The following TBC1D23 variants were observed in gnomAD, a reference collection of about 807,000 sequenced individuals.
TBC1D23 encodes TBC1 domain family member 23, also known as HCV non-structural protein 4A-transactivated protein 1.
In TBC1D23, 55 loss-of-function variants were observed where a neutral mutation model predicts 91.4. That is an observed-to-expected ratio of 0.60 (90% CI 0.48 to 0.75). The LOEUF is 0.75. Ranked by LOEUF, TBC1D23 falls within the 30% of genes least tolerant of loss-of-function variation. The pLI, the probability that TBC1D23 is intolerant of heterozygous loss-of-function variation, is 0.00. For missense variants in TBC1D23, 725 were observed against 836.1 expected, an observed-to-expected ratio of 0.87 and a Z score of 1.64; for synonymous variants, 289 against 281.0, an observed-to-expected ratio of 1.03 and a Z score of -0.28.
chr3:100,309,610 CTTTT>C (rs71132518), intron 13 of TBC1D23, among the ~76,000 whole-genome samples: 8 of 116,122 alleles, frequency 6.9e-5, no homozygotes, highest in African/African-American at 9.5e-5. Context: ...ATTCTACCTT[CTTTT>C]TTTTTTTTTT....
intron 10 of TBC1D23, 198 bp from the exon 11 acceptor site, chr3:100,301,869 T>A: frequency 2.1e-6 from 1 of 475,966 alleles, no homozygotes; most frequent in East Asian, 3.7e-5. Flanking sequence ...AATGTTCAAC[T>A]TTTGTTCTAT....
rs151179686 is a variant in TBC1D23, at chr3:100,304,483, T to G, written c.1264-363T>G. On this transcript the variant is annotated intron_variant, in intron 11 of 18. Transcript: ENST00000394144. Reference sequence around the variant, plus strand: ...CTGTAATGTTTCTTTTTATATTATCTTTTAATAAAGGACCCAAAATATTTT... The same window carrying G: ...CTGTAATGTTTCTTTTTATATTATCGTTTAATAAAGGACCCAAAATATTTT... Among the ~76,000 whole-genome samples, 232 of 152,308 alleles carry G rather than the reference T, an allele frequency of 1.5e-3. 1 individual carries two copies. Among genetic ancestry groups the G allele is most frequent in the African/African-American group, 5.3e-3 (220 of 41,570 alleles).
chr3:100,296,704 C>A (rs1442704041), intron 8 of TBC1D23, among the ~76,000 whole-genome samples: 1 of 150,854 alleles, frequency 6.6e-6, no homozygotes, highest in Non-Finnish European at 1.5e-5. Context: ...CTAAGAAATA[C>A]AAAAAATTAG....
At chr3:100,307,779 A>G (rs889328397) in intron 13 of TBC1D23, among the ~76,000 whole-genome samples, 2 of 152,182 alleles carry the variant, frequency 1.3e-5, no homozygotes, top group African/African-American at 4.8e-5. Flanking sequence ...ATTATAATTT[A>G]TTCAGTTCTC....
At chr3:100,286,946 C>T (rs2067748533) in intron 4 of TBC1D23, among the ~76,000 whole-genome samples, 1 of 151,918 alleles carries the variant, frequency 6.6e-6, no homozygotes, top group Admixed American at 6.6e-5. Context: ...CCCCGAGTAG[C>T]TGGAATCACA....
In TBC1D23 at chr3:100,319,055, T is replaced by A; in HGVS notation, c.1688-14T>A. 1 of 1,504,392 alleles carries A rather than the reference T, an allele frequency of 6.6e-7. No individual in the cohort carries two copies. Among genetic ancestry groups the A allele is most frequent in the Non-Finnish European group, 9.1e-7 (1 of 1,098,768 alleles). The allele number at this position is 1,504,392 out of a possible 1,614,324, so 93.2% of individuals were successfully genotyped here. On this transcript the variant is annotated splice_polypyrimidine_tract_variant and intron_variant, in intron 16 of 18. Coordinates refer to ENST00000394144, the MANE Select transcript of TBC1D23 (RefSeq NM_001199198.3). ...TTGGTAATATCCATATTTAATACTT[T>A]GTATTTTTTATAGATGAAATTGACA...
chr3:100,323,593 G>A lies in TBC1D23; in HGVS notation c.2025G>A (p.Leu675=). 1 of 1,495,100 alleles carries A rather than the reference G, an allele frequency of 6.7e-7. No homozygotes were observed. Among genetic ancestry groups the A allele is most frequent in the Non-Finnish European group, 8.9e-7 (1 of 1,120,894 alleles). 92.6% of individuals were successfully genotyped at this position (1,495,100 alleles called of 1,614,324 possible). ...TATTTTTTTTCCCCCTTAGGTATTT[G>A]ATTCCAAATGCAGGGGATGCAACTA... ...GIEILAIERY[L]IPNAGDATKA... is the part of the protein sequence containing the mutation. The change falls in exon 19 of 19, where the codon TTG becomes TTA. Residue 675 remains leucine (L), a synonymous_variant. Coordinates refer to ENST00000394144, the MANE Select transcript of TBC1D23 (RefSeq NM_001199198.3).
At chr3:100,307,499 A>G (rs538941124) in intron 13 of TBC1D23, among the ~76,000 whole-genome samples, 1 of 152,364 alleles carries the variant, frequency 6.6e-6, no homozygotes, top group South Asian at 2.1e-4. Context: ...AGTGCAAGTA[A>G]ATGGAAAGTA....
chr3:100,310,001 T>C lies in TBC1D23; in HGVS notation c.1414-402T>C, dbSNP rs78378701. On this transcript the variant is annotated intron_variant, in intron 13 of 18. Coordinates refer to ENST00000394144, the MANE Select transcript of TBC1D23 (RefSeq NM_001199198.3). The stretch of plus-strand genomic sequence containing the variant: ...TACTACAAACTGGGGGCTTAACCAA[T>C]GTAAATTTATTTTCTTACTGTTCTG... Among the ~76,000 whole-genome samples, 785 of 152,356 alleles carry C rather than the reference T, an allele frequency of 5.2e-3. 12 individuals carry two copies. Among genetic ancestry groups the C allele is most frequent in the African/African-American group, 0.017 (719 of 41,582 alleles).
At chr3:100,296,749 A>ACAGGGAC (rs2067844736) in intron 8 of TBC1D23, among the ~76,000 whole-genome samples, 1 of 151,146 alleles carries the variant, frequency 6.6e-6, no homozygotes, top group Non-Finnish European at 1.5e-5. Flanking sequence ...AGTCCCAGCT[A>ACAGGGAC]CTCGGGAGGC....
intron 15 of TBC1D23, 29 bp from the exon 16 acceptor site, chr3:100,316,070 A>G (rs1705738834): frequency 6.5e-7 from 1 of 1,531,258 alleles, no homozygotes; most frequent in Non-Finnish European, 9.1e-7. Flanking sequence ...TTAAGTGATT[A>G]TTTCTCTCCT....
At chr3:100,274,163 A>G (rs2067626025) in intron 1 of TBC1D23, among the ~76,000 whole-genome samples, 2 of 152,184 alleles carry the variant, frequency 1.3e-5, no homozygotes, top group Non-Finnish European at 2.9e-5. Context: ...TTGTTCAGTA[A>G]CAATAACAAA....
chr3:100,284,254 T>C (rs1461262248), intron 4 of TBC1D23, among the ~76,000 whole-genome samples: 1 of 152,226 alleles, frequency 6.6e-6, no homozygotes, highest in Non-Finnish European at 1.5e-5. Context: ...TGTTCCACAA[T>C]AGTAACCATT....
At chr3:100,320,013 T>A (rs1339740110) in intron 17 of TBC1D23, among the ~76,000 whole-genome samples, 1 of 152,118 alleles carries the variant, frequency 6.6e-6, no homozygotes, top group Non-Finnish European at 1.5e-5. Context: ...GTATCTTTTG[T>A]AGTGTGTTTT....
chr3:100,317,877 A>C (rs1705780088), intron 16 of TBC1D23, among the ~76,000 whole-genome samples: 1 of 152,186 alleles, frequency 6.6e-6, no homozygotes, highest in African/African-American at 2.4e-5. Flanking sequence ...TGAATTTCAG[A>C]TGTTGGGAGT....
At position 100,306,441 on chromosome 3, in the gene TBC1D23, G is replaced by A. The variant is rs748466785; in HGVS notation, c.1311G>A (p.Leu437=). ...TTTTTTTTAATTTATCTTAAGCACT[G>A]CAGCAGCACCTGGCAGACATTAATG... The part of the protein sequence containing the change: ...VSIASGGFMA[L]QQHLADINVD... The change falls in exon 13 of 19, where the codon CTG becomes CTA. Residue 437 remains leucine, a synonymous_variant. Transcript: ENST00000394144. 1.9e-6 allele frequency: 3 copies of A among 1,591,792 alleles called. No homozygotes were observed. Among genetic ancestry groups the A allele is most frequent in the Non-Finnish European group, 2.6e-6 (3 of 1,160,966 alleles).
intron 1 of TBC1D23, among the ~76,000 whole-genome samples, chr3:100,266,850 C>T (rs1239271202): frequency 1.3e-5 from 2 of 152,142 alleles, no homozygotes; most frequent in Admixed American, 6.5e-5. Context: ...CTTGACAAAG[C>T]ATTTCTGATG....
chr3:100,306,529 A>G lies in TBC1D23; in HGVS notation c.1399A>G (p.Ile467Val), dbSNP rs759970693. 6.9e-6 allele frequency: 11 copies of G among 1,600,420 alleles called. No individual in the cohort carries two copies. Among genetic ancestry groups the G allele is most frequent in the Middle Eastern group, 1.7e-4 (1 of 6,044 alleles). Residue 467 changes from isoleucine to valine, a missense_variant, in exon 13 of 19, where the codon ATC becomes GTC. Coordinates refer to ENST00000394144, the MANE Select transcript of TBC1D23 (RefSeq NM_001199198.3). The stretch of plus-strand genomic sequence containing the variant: ...TAGTACCTCAGGCTCAAGGAGCAGT[A>G]TCAATTCTGTTGATGTAAGTATATG... ...IASTSGSRSS[I>V]NSVDGESPNG... is the part of the protein sequence containing the mutation.
At chr3:100,276,204 A>C (rs2067647402) in intron 1 of TBC1D23, among the ~76,000 whole-genome samples, 1 of 152,084 alleles carries the variant, frequency 6.6e-6, no homozygotes, top group Admixed American at 6.6e-5. Context: ...GGGGAAAATA[A>C]ATTTTTAGAA....
Sources: gnomAD v4.1 joint callset for allele counts (sites outside exome capture counted in the v4.1 genomes callset) on GRCh38, gnomAD v4.1.1 for gene constraint, MANE v1.5 for transcripts, NCBI Gene and HGNC (gene_info 2026-07-23, HGNC 2026-07-21) for gene names.